The following ADAMTS12 variants were observed in gnomAD, a reference collection of about 807,000 sequenced individuals.
ADAMTS12 encodes the protein A disintegrin and metalloproteinase with thrombospondin motifs 12.
A neutral mutation model predicts 167.8 loss-of-function variants in ADAMTS12; 118 were observed. That is an observed-to-expected ratio of 0.70 (90% confidence interval 0.61 to 0.82). The LOEUF is 0.82. Ranked by LOEUF, ADAMTS12 falls within the 40% of genes least tolerant of loss-of-function variation. The pLI, the probability that ADAMTS12 is intolerant of heterozygous loss-of-function variation, is 0.00. For synonymous variants in ADAMTS12, 704 were observed against 716.9 expected (o/e 0.98, Z 0.29); for missense variants, 1,916 against 1,998.8 (o/e 0.96, Z 0.79).
Position 33,527,135 on chromosome 5 carries a change from T to C in ADAMTS12, c.*53A>G. 1 of 1,599,478 alleles carries C rather than the reference T, an allele frequency of 6.3e-7. No individual in the cohort carries two copies. The stretch of plus-strand genomic sequence containing the variant: ...CGAAGCAGCTCCCAGGGCTAAAGCA[T>C]GTCATGGTCAGCAGGCTGCTGCAGT... On this transcript the variant is annotated 3_prime_UTR_variant, in exon 24 of 24. Transcript: ENST00000504830.
intron 2 of ADAMTS12, among the ~76,000 whole-genome samples, chr5:33,780,971 T>C (rs940144183): frequency 2.0e-5 from 3 of 152,166 alleles, no homozygotes; most frequent in Non-Finnish European, 4.4e-5. Flanking sequence ...TTCCCTTTTC[T>C]TTTTCTTTCT....
chr5:33,848,558 T>G (rs1343430821), intron 2 of ADAMTS12, among the ~76,000 whole-genome samples: 1 of 152,274 alleles, frequency 6.6e-6, no homozygotes, highest in African/African-American at 2.4e-5. Flanking sequence ...GAAGTCAAAT[T>G]TGTGTTTCCC....
intron 2 of ADAMTS12, among the ~76,000 whole-genome samples, chr5:33,879,521 G>A (rs1319684981): frequency 6.6e-6 from 1 of 152,164 alleles, no homozygotes; most frequent in South Asian, 2.1e-4. Flanking sequence ...GATGACAGCC[G>A]TGGAGCTGGG....
chr5:33,852,498 G>T (rs754080728), intron 2 of ADAMTS12, among the ~76,000 whole-genome samples: 1 of 152,152 alleles, frequency 6.6e-6, no homozygotes, highest in Non-Finnish European at 1.5e-5. Flanking sequence ...TGGGTAAAGG[G>T]AGGAATCAGT....
chr5:33,596,247 G>A (rs77324891), intron 16 of ADAMTS12, among the ~76,000 whole-genome samples, 187 bp from the exon 17 acceptor site: 10,931 of 151,514 alleles, frequency 0.072, 561 homozygotes, highest in Non-Finnish European at 0.11. Context: ...TGCTGCAGCT[G>A]GCAAGAGGAG....
At chr5:33,873,729 AAT>A (rs1159048736) in intron 2 of ADAMTS12, among the ~76,000 whole-genome samples, 1 of 152,204 alleles carries the variant, frequency 6.6e-6, no homozygotes, top group African/African-American at 2.4e-5. Flanking sequence ...AATGAAACAG[AAT>A]AGAGAGCCCA....
intron 5 of ADAMTS12, among the ~76,000 whole-genome samples, chr5:33,677,225 G>A (rs539218343): frequency 6.6e-5 from 10 of 152,168 alleles, no homozygotes; most frequent in African/African-American, 2.2e-4. Context: ...GCTAAATGAT[G>A]ATGATGATAA....
chr5:33,681,730 G>C (rs763749634), intron 5 of ADAMTS12, among the ~76,000 whole-genome samples: 30 of 152,146 alleles, frequency 2.0e-4, no homozygotes, highest in Non-Finnish European at 3.8e-4. Flanking sequence ...GGGGCATAAG[G>C]CATGAGAAGG....
intron 3 of ADAMTS12, among the ~76,000 whole-genome samples, chr5:33,741,931 G>A (rs1744604896): frequency 6.6e-6 from 1 of 152,114 alleles, no homozygotes; most frequent in Admixed American, 6.5e-5. Flanking sequence ...CTTATTTGGG[G>A]GGAACATTTC....
intron 5 of ADAMTS12, among the ~76,000 whole-genome samples, chr5:33,665,415 T>C (rs1741430773): frequency 6.6e-6 from 1 of 152,176 alleles, no homozygotes; most frequent in Non-Finnish European, 1.5e-5. Flanking sequence ...AAAGAAAGCA[T>C]ACAAGGTAAT....
At chr5:33,853,281 A>G (rs1422364426) in intron 2 of ADAMTS12, among the ~76,000 whole-genome samples, 2 of 152,238 alleles carry the variant, frequency 1.3e-5, no homozygotes, top group South Asian at 4.1e-4. Context: ...CAACAATGCT[A>G]GCTGTCATTG....
chr5:33,592,185 C>A (rs1044704195), intron 17 of ADAMTS12, among the ~76,000 whole-genome samples: 1 of 151,906 alleles, frequency 6.6e-6, no homozygotes. Flanking sequence ...GCCGAGATTG[C>A]GCCATTGCAC....
At position 33,839,149 on chromosome 5, in the gene ADAMTS12, G is replaced by C. The variant is rs542923900; in HGVS notation, c.489+41970C>G. 3.3e-5 allele frequency among the ~76,000 whole-genome samples: 5 copies of C among 152,250 alleles called. No homozygotes were observed. The East Asian group carries it at 9.7e-4, about 29-fold the overall frequency. On this transcript the variant is annotated intron_variant, in intron 2 of 23. Coordinates refer to ENST00000504830, the MANE Select transcript of ADAMTS12 (RefSeq NM_030955.4). Reference sequence around the variant, plus strand: ...TCAAGATCACAGGAGCTGAGGGTAGGCTCCTTTAATCTTCTCTCCATATGT... The same window carrying C: ...TCAAGATCACAGGAGCTGAGGGTAGCCTCCTTTAATCTTCTCTCCATATGT...
intron 9 of ADAMTS12, 35 bp from the exon 10 acceptor site, chr5:33,643,505 A>G (rs1740546861): frequency 6.3e-7 from 1 of 1,596,174 alleles, no homozygotes; most frequent in African/African-American, 1.3e-5. Context: ...TGTATTTTCA[A>G]AACCTGCCAC....
chr5:33,681,041 A>G (rs1742094306), intron 5 of ADAMTS12, among the ~76,000 whole-genome samples: 1 of 152,196 alleles, frequency 6.6e-6, no homozygotes, highest in Admixed American at 6.5e-5. Flanking sequence ...TTACATTTTC[A>G]TAGAGTAAGA....
intron 18 of ADAMTS12, among the ~76,000 whole-genome samples, chr5:33,583,722 T>C (rs1747195069): frequency 6.6e-6 from 1 of 152,214 alleles, no homozygotes. Flanking sequence ...ATAGTTTTGA[T>C]TTGCATTTCT....
At chr5:33,689,585 A>G (rs927689069) in intron 3 of ADAMTS12, among the ~76,000 whole-genome samples, 12 of 152,134 alleles carry the variant, frequency 7.9e-5, no homozygotes, top group African/African-American at 2.7e-4. Flanking sequence ...GCTTCTTTAT[A>G]TAACTCAGAC....
intron 3 of ADAMTS12, among the ~76,000 whole-genome samples, chr5:33,731,033 A>G (rs1490362091): frequency 3.9e-5 from 6 of 152,242 alleles, no homozygotes; most frequent in African/African-American, 1.4e-4. Context: ...GGATAGTAAA[A>G]GCAGTTGCAG....
intron 9 of ADAMTS12, among the ~76,000 whole-genome samples, chr5:33,645,948 C>T (rs1740647337): frequency 6.6e-6 from 1 of 152,074 alleles, no homozygotes; most frequent in African/African-American, 2.4e-5. Context: ...AAAATATAGT[C>T]TAATAAAGCT....
Sources: allele counts gnomAD v4.1 joint callset (sites outside exome capture counted in the v4.1 genomes callset), GRCh38; gene constraint gnomAD v4.1.1; transcripts MANE v1.5; gene names NCBI Gene and HGNC (gene_info 2026-07-23, HGNC 2026-07-21).